Variants in NUCB2 observed in about 807,000 individuals in gnomAD.
NUCB2 encodes the protein nucleobindin-2.
In NUCB2, 48 loss-of-function variants were observed where a neutral mutation model predicts 57.9. That is an observed-to-expected ratio of 0.83 (90% CI 0.66 to 1.05). The LOEUF (loss-of-function observed/expected upper bound fraction) is 1.05, where lower values mean the gene tolerates loss of function less well. Ranked by LOEUF, NUCB2 falls within the 50% of genes least tolerant of loss-of-function variation. The probability of loss-of-function intolerance (pLI) is 0.00; values close to 1 mark genes in which losing one functional copy is unlikely to be tolerated. For missense variants in NUCB2, 442 were observed against 476.2 expected, an observed-to-expected ratio of 0.93 and a Z score of 0.67; for synonymous variants, 139 against 152.1, an observed-to-expected ratio of 0.91 and a Z score of 0.64.
intron 11 of NUCB2, among the ~76,000 whole-genome samples, chr11:17,316,674 A>G (rs1261951325): frequency 6.6e-6 from 1 of 152,264 alleles, no homozygotes; most frequent in East Asian, 1.9e-4. Context: ...CTTGTAACAC[A>G]GTCAACTGTG....
At chr11:17,311,657 G>A (rs1422370127) in intron 8 of NUCB2, among the ~76,000 whole-genome samples, 1 of 152,040 alleles carries the variant, frequency 6.6e-6, no homozygotes, top group Non-Finnish European at 1.5e-5. Flanking sequence ...GTCAAGATAC[G>A]CTTTCCTTAC....
At chr11:17,294,445 C>A (rs762294260) in intron 2 of NUCB2, among the ~76,000 whole-genome samples, 1 of 151,770 alleles carries the variant, frequency 6.6e-6, no homozygotes, top group Non-Finnish European at 1.5e-5. Context: ...AATTTTATGA[C>A]GTGAAGTATA....
Position 17,330,143 on chromosome 11 carries a change from A to G in NUCB2, c.1019A>G (p.Gln340Arg), listed in dbSNP as rs769686202. ...PDSWETLDQQ[Q>R]FFTEEELKEY... ...TTCTTTTAGACATTAGATCAGCAAC[A>G]GTTCTTCACAGAGGAAGAACTAAAA... is the stretch of plus-strand genomic sequence containing the variant. The change falls in exon 12 of 14, where the codon CAG becomes CGG. Residue 340 changes from glutamine to arginine, a missense_variant. By Grantham distance (43) the Gln-to-Arg change is conservative (BLOSUM62 1). Coordinates refer to ENST00000529010, the MANE Select transcript of NUCB2 (RefSeq NM_005013.4). This position sits in a 1 kb window ranked among gnomAD's most constrained non-coding sequence, Gnocchi z 4.3. 7 of 1,517,064 alleles carry G rather than the reference A, an allele frequency of 4.6e-6. No individual in the cohort carries two copies. The highest frequency in any genetic ancestry group is 3.8e-5 in the Admixed American group (2 of 52,010). The allele number at this position is 1,517,064 out of a possible 1,614,324, so 94.0% of individuals were successfully genotyped here. A position where few individuals can be genotyped will look rare whatever the true frequency, so the allele number is the denominator to read the frequency against.
At chr11:17,304,915 T>C (rs977776405) in intron 5 of NUCB2, among the ~76,000 whole-genome samples, 1 of 152,250 alleles carries the variant, frequency 6.6e-6, no homozygotes, top group Admixed American at 6.5e-5. Flanking sequence ...CTCAGTGTTA[T>C]AAACATGTCA....
chr11:17,326,666 ATTATT>A (rs1320468402), intron 11 of NUCB2, among the ~76,000 whole-genome samples: 3 of 152,014 alleles, frequency 2.0e-5, no homozygotes, highest in Non-Finnish European at 4.4e-5. Flanking sequence ...AGTTGTAGTT[ATTATT>A]TTATTTATTT....
At position 17,296,182 on chromosome 11, in the gene NUCB2, C is replaced by A; in HGVS notation, c.223C>A (p.Leu75Ile). 1 of 1,608,964 alleles carries A rather than the reference C, an allele frequency of 6.2e-7. No homozygotes were observed. Among genetic ancestry groups the A allele is most frequent in the Non-Finnish European group, 8.5e-7 (1 of 1,176,438 alleles). The change falls in exon 4 of 14, where the codon CTC becomes ATC. Residue 75 changes from leucine (L) to isoleucine (I), a missense_variant. By Grantham distance (5) the Leu-to-Ile change is conservative (BLOSUM62 2). Coordinates refer to ENST00000529010, the MANE Select transcript of NUCB2 (RefSeq NM_005013.4). ...AACAGATAAACACTTCAGAGAAAAG[C>A]TCCAGAAAGCAGACATAGAGGAAAT... ...LETDKHFREK[L>I]QKADIEEIKS...
chr11:17,327,617 ATT>A (rs1950857829), intron 11 of NUCB2, among the ~76,000 whole-genome samples: 2 of 151,494 alleles, frequency 1.3e-5, no homozygotes, highest in African/African-American at 4.9e-5. Flanking sequence ...ATTGTTTTTC[ATT>A]CTCTCTCCTT....
At chr11:17,326,995 A>G (rs1220568564) in intron 11 of NUCB2, among the ~76,000 whole-genome samples, 3 of 152,110 alleles carry the variant, frequency 2.0e-5, no homozygotes, top group African/African-American at 4.8e-5. Context: ...CCAGGGTAAA[A>G]AATTTTTTTT....
intron 5 of NUCB2, among the ~76,000 whole-genome samples, chr11:17,307,866 A>C (rs1446195605): frequency 6.6e-6 from 1 of 152,172 alleles, no homozygotes; most frequent in Non-Finnish European, 1.5e-5. Context: ...GGTTGTATCA[A>C]TACACATACC....
chr11:17,331,083 A>G (rs1359931406), intron 13 of NUCB2, 100 bp downstream of exon 13: 1 of 880,658 alleles, frequency 1.1e-6, no homozygotes, highest in Non-Finnish European at 1.7e-6. Context: ...TTAAGATGTT[A>G]TGTTATTTTT....
chr11:17,282,258 ATTTTTT>A (rs71047540), intron 1 of NUCB2, among the ~76,000 whole-genome samples: 13 of 103,468 alleles, frequency 1.3e-4, no homozygotes, highest in African/African-American at 4.5e-4. Context: ...ATATATATAT[ATTTTTT>A]TTTTTTTTTC....
chr11:17,349,771 G>C (rs1187410289), exon 3 of NUCB2: 1 of 152,186 alleles, frequency 6.6e-6, no homozygotes, highest in South Asian at 2.1e-4. Flanking sequence ...ATGTCTTTGA[G>C]TGAATGTCCC....
intron 2 of NUCB2, among the ~76,000 whole-genome samples, chr11:17,283,849 T>C (rs1943150854): frequency 6.6e-6 from 1 of 152,232 alleles, no homozygotes; most frequent in Non-Finnish European, 1.5e-5. Flanking sequence ...CATCTCAAGA[T>C]ACATTTCACT....
At position 17,330,982 on chromosome 11, in the gene NUCB2, A is replaced by G. The variant is rs1951325397; in HGVS notation, c.1254A>G (p.Pro418=). 3 of 1,592,502 alleles carry G rather than the reference A, an allele frequency of 1.9e-6. No homozygotes were observed. The highest frequency in any genetic ancestry group is 2.6e-6 in the Non-Finnish European group (3 of 1,163,958). ...SGPAGELKFE[P]HI ...CAGCTGGAGAATTGAAGTTTGAGCCACGTGTGTAATTTTGTTTGATTATTT... is the reference window on the plus strand; with the variant it reads ...CAGCTGGAGAATTGAAGTTTGAGCCGCGTGTGTAATTTTGTTTGATTATTT... The change falls in exon 13 of 14, where the codon CCA becomes CCG. Residue 418 remains proline (P), a splice_region_variant and synonymous_variant. Coordinates refer to ENST00000529010, the MANE Select transcript of NUCB2 (RefSeq NM_005013.4). The surrounding 1 kb of genome is among the most constrained non-coding windows in gnomAD (Gnocchi z 4.3).
chr11:17,283,498 G>A (rs1943094578), intron 2 of NUCB2: 1 of 152,212 alleles, frequency 6.6e-6, no homozygotes, highest in Non-Finnish European at 1.5e-5. Flanking sequence ...ACTCATAGAA[G>A]CTTCTATAAT....
chr11:17,347,229 G>A (rs536147436), intron 2 of NUCB2, among the ~76,000 whole-genome samples: 6 of 152,318 alleles, frequency 3.9e-5, no homozygotes, highest in Admixed American at 3.3e-4. Flanking sequence ...AAAGGGTTAC[G>A]TTCTTTTGAG....
At chr11:17,338,350 A>G (rs548571135) in intron 2 of NUCB2, among the ~76,000 whole-genome samples, 1 of 152,308 alleles carries the variant, frequency 6.6e-6, no homozygotes, top group African/African-American at 2.4e-5. Context: ...CCTGAATGCC[A>G]TGTAGCAGTT....
chr11:17,348,664 A>T (rs562863598), intron 2 of NUCB2, among the ~76,000 whole-genome samples: 5 of 151,686 alleles, frequency 3.3e-5, no homozygotes, highest in East Asian at 1.9e-4. Context: ...GAAGCTAAGG[A>T]CTGTGCTTTA....
chr11:17,325,820 G>A (rs1423956506), intron 11 of NUCB2, among the ~76,000 whole-genome samples: 1 of 146,536 alleles, frequency 6.8e-6, no homozygotes, highest in Non-Finnish European at 1.5e-5. Context: ...TGCTTTTTTT[G>A]TGTGTGTATC....
Sources: gnomAD v4.1 joint callset for allele counts (sites outside exome capture counted in the v4.1 genomes callset) on GRCh38, gnomAD v4.1.1 for gene constraint, Gnocchi (gnomAD v3.1) non-coding constraint, MANE v1.5 for transcripts, NCBI Gene and HGNC (gene_info 2026-07-23, HGNC 2026-07-21) for gene names.